ERICH1: variants seen among roughly 807,000 people sequenced by gnomAD.
ERICH1 encodes glutamate rich 1.
A neutral mutation model predicts 39.6 loss-of-function variants in ERICH1; 56 were observed. That is an observed-to-expected ratio of 1.41 (90% CI 1.14 to 1.77). The LOEUF is 1.77. Ranked by LOEUF, ERICH1 falls within the 40% of genes most tolerant of loss-of-function variation. The probability of loss-of-function intolerance (pLI) is 0.00; values close to 1 mark genes in which losing one functional copy is unlikely to be tolerated. For synonymous variants in ERICH1, 313 were observed against 223.6 expected (o/e 1.40, Z -3.57); for missense variants, 826 against 575.4 (o/e 1.44, Z -4.45).
At chr8:616,357 C>T (rs922853222) in intron 3 of ERICH1, 10 of 343,178 alleles carry the variant, frequency 2.9e-5, no homozygotes, top group East Asian at 1.6e-4. Context: ...AGGCTCCTGT[C>T]GGCCAGGTGT....
chr8:711,882 GC>G (rs1277591246), intron 2 of ERICH1, among the ~76,000 whole-genome samples: 1 of 152,204 alleles, frequency 6.6e-6, no homozygotes, highest in Non-Finnish European at 1.5e-5. Flanking sequence ...AGTTGTGCCA[GC>G]CCCATTTGTT....
intron 1 of ERICH1, among the ~76,000 whole-genome samples, chr8:723,812 T>C (rs1817916191): frequency 6.6e-6 from 1 of 152,214 alleles, no homozygotes; most frequent in Non-Finnish European, 1.5e-5. Context: ...TGATAATCAC[T>C]GTGGGATTTT....
At chr8:631,418 T>TGCAG (rs1798031676) in intron 3 of ERICH1, among the ~76,000 whole-genome samples, 4 of 152,240 alleles carry the variant, frequency 2.6e-5, no homozygotes, top group South Asian at 2.1e-4. Context: ...AGCCTGGTCA[T>TGCAG]GCAGGCGGGT....
intron 2 of ERICH1, among the ~76,000 whole-genome samples, chr8:710,153 C>T (rs909716871): frequency 3.9e-5 from 6 of 152,218 alleles, no homozygotes; most frequent in Admixed American, 3.3e-4. Flanking sequence ...CTGCAGTTTA[C>T]ATTGCGGTTC....
chr8:668,165 C>A (rs1802569847), intron 5 of ERICH1: 2 of 255,556 alleles, frequency 7.8e-6, no homozygotes, highest in East Asian at 1.0e-4. Flanking sequence ...CAACAGTTTG[C>A]ATGAAAAGGA....
chr8:686,388 C>G (rs918284395), intron 3 of ERICH1, among the ~76,000 whole-genome samples: 8 of 151,748 alleles, frequency 5.3e-5, no homozygotes, highest in African/African-American at 1.5e-4. Context: ...CTATGTTTTA[C>G]GAAAATAAAT....
intron 3 of ERICH1, among the ~76,000 whole-genome samples, chr8:639,906 C>A (rs28521223): frequency 0.13 from 18,055 of 138,084 alleles, 1,568 homozygotes; most frequent in Middle Eastern, 0.25. Context: ...AGCCTCCTGG[C>A]CTTAATTAAG....
At chr8:670,855 C>A (rs969278224) in intron 4 of ERICH1, among the ~76,000 whole-genome samples, 1 of 151,478 alleles carries the variant, frequency 6.6e-6, no homozygotes, top group Non-Finnish European at 1.5e-5. Flanking sequence ...CTGGCCCCTG[C>A]TTCGACCTCT....
chr8:663,059 C>T (rs1009185692), downstream of ERICH1, among the ~76,000 whole-genome samples: 2 of 152,242 alleles, frequency 1.3e-5, no homozygotes, highest in African/African-American at 4.8e-5. Context: ...GCCTGTGCTC[C>T]AGGGCCTACA....
At chr8:716,610 T>C (rs1022543413) in intron 1 of ERICH1, among the ~76,000 whole-genome samples, 105 of 152,364 alleles carry the variant, frequency 6.9e-4, no homozygotes, top group African/African-American at 2.4e-3. Context: ...CTTGTTTTAG[T>C]TTACGTTGTT....
chr8:658,997 T>C (rs1253804380), intron 3 of ERICH1, among the ~76,000 whole-genome samples: 3 of 113,534 alleles, frequency 2.6e-5, no homozygotes, highest in African/African-American at 9.9e-5. Context: ...ATCTCCGGTG[T>C]GCACTGAGCA....
At chr8:687,104 T>C (rs919667436) in intron 3 of ERICH1, among the ~76,000 whole-genome samples, 9 of 152,342 alleles carry the variant, frequency 5.9e-5, no homozygotes, top group African/African-American at 2.2e-4. Flanking sequence ...ACATTATAAC[T>C]GTGCATTTAC....
intron 3 of ERICH1, chr8:616,478 G>C: frequency 2.2e-6 from 1 of 455,272 alleles, no homozygotes; most frequent in Non-Finnish European, 4.4e-6. Flanking sequence ...AACAAACCCA[G>C]ACAGGTACGG....
intron 4 of ERICH1, among the ~76,000 whole-genome samples, chr8:671,265 C>T (rs1349072985): frequency 1.2e-4 from 15 of 129,088 alleles, no homozygotes; most frequent in East Asian, 2.4e-4. Flanking sequence ...GCCCCTGCTC[C>T]GACCACTGAG....
chr8:711,399 T>A (rs1037395354), intron 2 of ERICH1, among the ~76,000 whole-genome samples: 9 of 152,150 alleles, frequency 5.9e-5, no homozygotes, highest in African/African-American at 2.2e-4. Flanking sequence ...GCCTTTGGTG[T>A]TGTAGCTAAA....
At chr8:683,967 C>G (rs1438132225) in intron 3 of ERICH1, among the ~76,000 whole-genome samples, 1 of 152,202 alleles carries the variant, frequency 6.6e-6, no homozygotes, top group Admixed American at 6.5e-5. Context: ...TTTGAATAGG[C>G]TTGAATTATA....
chr8:617,943 C>T (rs1797030286), intron 3 of ERICH1, among the ~76,000 whole-genome samples: 1 of 140,328 alleles, frequency 7.1e-6, no homozygotes, highest in South Asian at 2.4e-4. Flanking sequence ...GTACTTGGTC[C>T]ATTCTCACTG....
chr8:728,527 A>T (rs1003322008), intron 1 of ERICH1, among the ~76,000 whole-genome samples: 9 of 152,136 alleles, frequency 5.9e-5, no homozygotes, highest in Non-Finnish European at 1.3e-4. Flanking sequence ...ACCCCACTCC[A>T]GGCTCCCCTG....
At chr8:630,894 C>A in intron 3 of ERICH1, among the ~76,000 whole-genome samples, 1 of 149,588 alleles carries the variant, frequency 6.7e-6, no homozygotes, top group Admixed American at 6.6e-5. Context: ...CACCCACAGA[C>A]AGAGCTGACT....
Sources: gnomAD v4.1 joint callset for allele counts (sites outside exome capture counted in the v4.1 genomes callset) on GRCh38, gnomAD v4.1.1 for gene constraint, MANE v1.5 for transcripts, NCBI Gene and HGNC (gene_info 2026-07-23, HGNC 2026-07-21) for gene names.